TNRC6A: variants seen among roughly 807,000 people sequenced by gnomAD.
TNRC6A encodes the protein trinucleotide repeat-containing gene 6A protein.
Under a neutral mutation model 221.2 loss-of-function variants are expected in TNRC6A, and 44 were observed. That is an observed-to-expected ratio of 0.20 (90% CI 0.16 to 0.26). The LOEUF is 0.26. Ranked by LOEUF, TNRC6A falls within the 10% of genes least tolerant of loss-of-function variation. The probability of loss-of-function intolerance (pLI) is 1.00; values close to 1 mark genes in which losing one functional copy is unlikely to be tolerated. For missense variants in TNRC6A, 2,199 were observed against 2,404.4 expected (o/e 0.91, Z 1.79); for synonymous variants, 847 against 838.5 (o/e 1.01, Z -0.18).
At chr16:24,644,363 C>G (rs1333437089) in intron 2 of TNRC6A, among the ~76,000 whole-genome samples, 1 of 151,926 alleles carries the variant, frequency 6.6e-6, no homozygotes, top group Non-Finnish European at 1.5e-5. Context: ...GGTGCAATCA[C>G]AGCTCACTGC....
chr16:24,797,514 C>G lies in TNRC6A; in HGVS notation c.3586C>G (p.Gln1196Glu). ...GGGAATGATGAAAGGTGGAAACAAA[C>G]AAGAAGAAGCGTGGATAAATCCATT... ...ERGMMKGGNK[Q>E]EEAWINPFVK... Residue 1196 changes from glutamine to glutamate, a missense_variant, in exon 10 of 25, where the codon CAA becomes GAA. Around this residue, in one of 8 missense-constraint regions of TNRC6A, gnomAD observed 158 missense variants for 159.1 expected, o/e 0.99. Transcript: ENST00000395799. 1 of 1,610,774 alleles carries G rather than the reference C, an allele frequency of 6.2e-7. No homozygotes were observed. Among genetic ancestry groups the G allele is most frequent in the Non-Finnish European group, 8.5e-7 (1 of 1,179,088 alleles).
intron 2 of TNRC6A, among the ~76,000 whole-genome samples, chr16:24,685,162 C>G (rs1476482361): frequency 6.6e-6 from 1 of 152,120 alleles, no homozygotes; most frequent in Admixed American, 6.6e-5. Context: ...CGTTTGTCTT[C>G]TTTTCTATGA....
At chr16:24,788,365 A>G (rs1223090383) in intron 5 of TNRC6A, among the ~76,000 whole-genome samples, 1 of 152,216 alleles carries the variant, frequency 6.6e-6, no homozygotes, top group African/African-American at 2.4e-5. Flanking sequence ...TGGCTGTAAT[A>G]TTTCAGGTTG....
At chr16:24,768,758 G>A (rs1048985127) in intron 4 of TNRC6A, among the ~76,000 whole-genome samples, 7 of 152,146 alleles carry the variant, frequency 4.6e-5, no homozygotes, top group Admixed American at 1.3e-4. Flanking sequence ...TTAAAGCAGC[G>A]TTTTGTGTAC....
Position 24,729,693 on chromosome 16 carries a change from G to GCGT in TNRC6A, c.-147_-146insTCG. 1 of 843,350 alleles carries GCGT rather than the reference G, an allele frequency of 1.2e-6. No individual in the cohort carries two copies. Among genetic ancestry groups the GCGT allele is most frequent in the Non-Finnish European group, 1.6e-6 (1 of 628,248 alleles). The allele number at this position is 843,350 out of a possible 1,614,324, so 52.2% of individuals were successfully genotyped here. A position where few individuals can be genotyped will look rare whatever the true frequency, so the allele number is the denominator to read the frequency against. ...TGCGGCGGCGGCGGTGTCGGCGGCG[G>GCGT]CGGCGGCGGCGGCGGCGGCGGCGGC... is the stretch of plus-strand genomic sequence containing the variant. On this transcript the variant is annotated 5_prime_UTR_variant, in exon 1 of 25. Coordinates refer to ENST00000395799, the MANE Select transcript of TNRC6A (RefSeq NM_014494.4).
In TNRC6A at chr16:24,777,324, T is replaced by A. The variant is rs11639856; in HGVS notation, c.555T>A (p.Asn185Lys). 0.19 allele frequency: 300,456 copies of A among 1,612,918 alleles called. 28,634 individuals are homozygous for A. The highest frequency in any genetic ancestry group is 0.21 in the African/African-American group (15,747 of 74,940). ...SSALTNQQPQ[N>K]NGEVQNSKNQ... ...CTTTAACAAATCAACAGCCACAAAA[T>A]AACGGAGAGGTGCAGAACAGCAAAA... The change falls in exon 5 of 25, where the codon AAT (asparagine) becomes AAA (lysine). Residue 185 changes from asparagine to lysine, a missense_variant. Transcript: ENST00000395799.
chr16:24,804,418 G>T, intron 12 of TNRC6A, 99 bp downstream of exon 12: 2 of 1,371,564 alleles, frequency 1.5e-6, no homozygotes, highest in Non-Finnish European at 2.0e-6. Context: ...AATATAAAGT[G>T]TTACAATCCA....
chr16:24,730,136 T>TCCCCCCCCCCCTCCCG, intron 1 of TNRC6A, 117 bp from the exon 2 acceptor site: 1 of 469,272 alleles, frequency 2.1e-6, no homozygotes, highest in South Asian at 2.3e-5. Context: ...CCCCGTCCTC[T>TCCCCCCCCCCCTCCCG]CCCCTCCCCC....
chr16:24,627,433 C>T (rs574849985), intron 1 of TNRC6A, among the ~76,000 whole-genome samples: 18 of 152,228 alleles, frequency 1.2e-4, no homozygotes, highest in Non-Finnish European at 4.4e-5. Flanking sequence ...AGAAGGGCGG[C>T]TTCTGACCCA....
chr16:24,757,592 G>A (rs747982484), intron 3 of TNRC6A, among the ~76,000 whole-genome samples: 2 of 152,092 alleles, frequency 1.3e-5, no homozygotes, highest in Non-Finnish European at 2.9e-5. Context: ...GAAGCCCTTG[G>A]GAGTTTGAGC....
At chr16:24,618,058 C>T (rs1230369075) in intron 1 of TNRC6A, among the ~76,000 whole-genome samples, 11 of 152,150 alleles carry the variant, frequency 7.2e-5, no homozygotes, top group East Asian at 1.9e-4. Flanking sequence ...GCACCACACC[C>T]GGCTAATTTT....
intron 1 of TNRC6A, among the ~76,000 whole-genome samples, chr16:24,627,502 G>A (rs58881255): frequency 0.095 from 14,438 of 151,706 alleles, 860 homozygotes; most frequent in African/African-American, 0.16. Flanking sequence ...GACCTCTCTC[G>A]CTCTTAATAT....
chr16:24,805,868 T>C, intron 15 of TNRC6A, 135 bp downstream of exon 15: 1 of 1,188,238 alleles, frequency 8.4e-7, no homozygotes, highest in Non-Finnish European at 1.2e-6. Context: ...TTACAGTCTA[T>C]CGGGGGAGAC....
intron 2 of TNRC6A, among the ~76,000 whole-genome samples, chr16:24,717,812 C>G (rs995819403): frequency 4.4e-5 from 6 of 137,890 alleles, no homozygotes; most frequent in African/African-American, 1.6e-4. Flanking sequence ...TGTTCTGTCA[C>G]CCAGGCTGGA....
chr16:24,802,261 C>T lies in TNRC6A; in HGVS notation c.3695-1916C>T, dbSNP rs79441195. On this transcript the variant is annotated intron_variant, in intron 11 of 24. Coordinates refer to ENST00000395799, the MANE Select transcript of TNRC6A (RefSeq NM_014494.4). ...AGATGAAAACCTGTGTTAACAGTGA[C>T]AATGAGGCCGGGCACAGTGGCTCAT... Among the ~76,000 whole-genome samples, 60 of 152,190 alleles carry T rather than the reference C, an allele frequency of 3.9e-4. No homozygotes were observed. In the East Asian group the frequency reaches 0.011, roughly 29 times the overall value.
chr16:24,816,785 C>G (rs771176142), intron 19 of TNRC6A, 31 bp from the exon 20 acceptor site: 2 of 1,596,984 alleles, frequency 1.3e-6, no homozygotes, highest in Non-Finnish European at 1.7e-6. Flanking sequence ...GATGATTAAG[C>G]TTTGAACTAA....
intron 2 of TNRC6A, among the ~76,000 whole-genome samples, chr16:24,703,380 A>C (rs190850591): frequency 3.3e-5 from 5 of 152,080 alleles, no homozygotes. Context: ...TCAGTACTCA[A>C]CTCCTTTTTA....
At chr16:24,760,531 T>A (rs1396361272) in intron 4 of TNRC6A, among the ~76,000 whole-genome samples, 1 of 152,250 alleles carries the variant, frequency 6.6e-6, no homozygotes, top group Non-Finnish European at 1.5e-5. Context: ...ATTTCACTCA[T>A]GTCATCCTTC....
intron 2 of TNRC6A, among the ~76,000 whole-genome samples, chr16:24,666,668 AATATAT>A (rs1555487102): frequency 7.7e-5 from 5 of 65,136 alleles, no homozygotes; most frequent in African/African-American, 4.0e-4. Context: ...AAAAAAAAAA[AATATAT>A]ATATATATAT....
Sources: allele counts gnomAD v4.1 joint callset (sites outside exome capture counted in the v4.1 genomes callset), GRCh38; gene constraint gnomAD v4.1.1; regional missense constraint gnomAD v4.1.1; transcripts MANE v1.5; gene names NCBI Gene and HGNC (gene_info 2026-07-23, HGNC 2026-07-21).